RYK: variants seen among roughly 807,000 people sequenced by gnomAD.
RYK encodes the protein inactive tyrosine-protein kinase RYK.
A neutral mutation model predicts 70.2 loss-of-function variants in RYK; 21 were observed. That is an observed-to-expected ratio of 0.30 (90% confidence interval 0.21 to 0.43). The LOEUF (loss-of-function observed/expected upper bound fraction) is 0.43, where lower values mean the gene tolerates loss of function less well. Ranked by LOEUF, RYK falls within the 20% of genes least tolerant of loss-of-function variation. RYK has a pLI of 1.00. For synonymous variants in RYK, 267 were observed against 278.0 expected, an observed-to-expected ratio of 0.96 and a Z score of 0.39; for missense variants, 604 against 753.3, an observed-to-expected ratio of 0.80 and a Z score of 2.32.
chr3:134,241,732 A>G (rs1056678480), intron 1 of RYK, among the ~76,000 whole-genome samples: 1 of 152,232 alleles, frequency 6.6e-6, no homozygotes, highest in Admixed American at 6.5e-5. Context: ...CACAGTAGAG[A>G]AAGCACGCAC....
chr3:134,168,654 A>G (rs1158507676), intron 13 of RYK, among the ~76,000 whole-genome samples: 2 of 151,726 alleles, frequency 1.3e-5, no homozygotes, highest in African/African-American at 4.8e-5. Context: ...TAGCATTAGG[A>G]GATATACCTA....
chr3:134,236,465 C>G (rs1239391830), intron 1 of RYK, among the ~76,000 whole-genome samples: 4 of 152,132 alleles, frequency 2.6e-5, no homozygotes, highest in Non-Finnish European at 5.9e-5. Flanking sequence ...TGTTCATGGA[C>G]TGGAAGACTT....
In RYK at chr3:134,172,884, C is replaced by T. The variant is rs371283795; in HGVS notation, c.1575+2725G>A. On this transcript the variant is annotated intron_variant, in intron 13 of 14. Coordinates refer to ENST00000623711, the MANE Select transcript of RYK (RefSeq NM_002958.4). ...GCTTTATTTCCCTCATCCTGCCACC[C>T]ATCACCCACCATGCCCGATGCCTCT... 9.3e-4 allele frequency among the ~76,000 whole-genome samples: 142 copies of T among 152,280 alleles called. 1 individual carries two copies. Among genetic ancestry groups the T allele is most frequent in the African/African-American group, 3.3e-3 (138 of 41,550 alleles).
At chr3:134,249,833 G>A (rs1423482446) in intron 1 of RYK, among the ~76,000 whole-genome samples, 2 of 150,130 alleles carry the variant, frequency 1.3e-5, no homozygotes, top group African/African-American at 4.9e-5. Context: ...TAGAATCTAA[G>A]CATATGCTCC....
At chr3:134,230,247 C>T (rs934287530) in intron 1 of RYK, among the ~76,000 whole-genome samples, 14 of 152,130 alleles carry the variant, frequency 9.2e-5, no homozygotes, top group South Asian at 2.1e-4. Flanking sequence ...CCACCACGCC[C>T]GGCTAATTTT....
At chr3:134,248,855 T>G (rs2015537283) in intron 1 of RYK, among the ~76,000 whole-genome samples, 1 of 151,992 alleles carries the variant, frequency 6.6e-6, no homozygotes, top group Admixed American at 6.6e-5. Context: ...ACTTTCCTCA[T>G]CTCTACAATA....
intron 1 of RYK, among the ~76,000 whole-genome samples, chr3:134,242,037 C>T (rs1223778243): frequency 6.6e-6 from 1 of 152,162 alleles, no homozygotes; most frequent in African/African-American, 2.4e-5. Context: ...CAAGGTGGCT[C>T]ACGCCTGTAA....
chr3:134,250,112 G>C (rs1257804944), intron 1 of RYK, among the ~76,000 whole-genome samples: 1 of 152,018 alleles, frequency 6.6e-6, no homozygotes, highest in African/African-American at 2.4e-5. Flanking sequence ...AAAAAAAGTT[G>C]TAAGGGTGAC....
In RYK at chr3:134,159,319, C is replaced by T. The variant is rs368912529; in HGVS notation, c.1630G>A (p.Val544Met). 2.0e-5 allele frequency: 32 copies of T among 1,613,814 alleles called. No individual in the cohort carries two copies. In the African/African-American group the frequency reaches 2.4e-4, roughly 12 times the overall value. Residue 544 changes from valine to methionine, a missense_variant, in exon 14 of 15, where the codon GTG becomes ATG. Coordinates refer to ENST00000623711, the MANE Select transcript of RYK (RefSeq NM_002958.4). ...GCCATCTCGAAGGGGTCAATGTCCA[C>T]GTAGGGAGTCTGGCCCAGAGTCATG... Reference protein sequence around the residue: ...ELMTLGQTPYVDIDPFEMAAY... With the variant: ...ELMTLGQTPYMDIDPFEMAAY...
At position 134,225,682 on chromosome 3, in the gene RYK, C is replaced by G. The variant is rs1236039002; in HGVS notation, c.233-3143G>C. Among the ~76,000 whole-genome samples, 4 of 152,132 alleles carry G rather than the reference C, an allele frequency of 2.6e-5. No individual in the cohort carries two copies. The East Asian group carries it at 7.7e-4, about 29-fold the overall frequency. ...CAGCCTGGGCAACACAGCAACAACC[C>G]ATCTCTATAAAAAACTTTTTTTAAA... is the stretch of plus-strand genomic sequence containing the variant. On this transcript the variant is annotated intron_variant, in intron 1 of 14. Transcript: ENST00000623711.
chr3:134,238,509 A>G (rs2015244713), intron 1 of RYK, among the ~76,000 whole-genome samples: 1 of 152,194 alleles, frequency 6.6e-6, no homozygotes, highest in African/African-American at 2.4e-5. Flanking sequence ...AAAAGCAGGT[A>G]AGCCTACCCT....
chr3:134,193,415 C>T (rs1396412246), intron 7 of RYK, among the ~76,000 whole-genome samples: 1 of 152,180 alleles, frequency 6.6e-6, no homozygotes, highest in Non-Finnish European at 1.5e-5. Context: ...GATCTCCTGA[C>T]CTCATGATCC....
chr3:134,248,117 G>C (rs2107700647), intron 1 of RYK, among the ~76,000 whole-genome samples: 1 of 152,328 alleles, frequency 6.6e-6, no homozygotes, highest in African/African-American at 2.4e-5. Context: ...GTATGAGGGA[G>C]ATGGGAAGGG....
chr3:134,169,797 T>C (rs2012829386), intron 13 of RYK, among the ~76,000 whole-genome samples: 1 of 152,190 alleles, frequency 6.6e-6, no homozygotes, highest in African/African-American at 2.4e-5. Context: ...GTATCATTTG[T>C]TGGGTGCTAC....
intron 1 of RYK, among the ~76,000 whole-genome samples, chr3:134,235,898 T>G (rs953080084): frequency 6.6e-6 from 1 of 152,074 alleles, no homozygotes; most frequent in Non-Finnish European, 1.5e-5. Flanking sequence ...AGAGCCTGGT[T>G]CCAATAGAAG....
At chr3:134,231,163 A>T (rs1169671697) in intron 1 of RYK, among the ~76,000 whole-genome samples, 1 of 151,752 alleles carries the variant, frequency 6.6e-6, no homozygotes, top group Non-Finnish European at 1.5e-5. Flanking sequence ...TAAGCTAGAT[A>T]AAAAGTACCT....
chr3:134,226,608 A>T (rs144310341), intron 1 of RYK, among the ~76,000 whole-genome samples: 177 of 152,274 alleles, frequency 1.2e-3, no homozygotes, highest in African/African-American at 3.9e-3. Context: ...AATATTAGCA[A>T]ATTCAATACA....
chr3:134,226,983 G>A (rs1039738378), intron 1 of RYK, among the ~76,000 whole-genome samples: 18 of 152,042 alleles, frequency 1.2e-4, no homozygotes, highest in Admixed American at 6.6e-5. Context: ...AAAAGCACAA[G>A]GATGAAGTAA....
intron 1 of RYK, among the ~76,000 whole-genome samples, chr3:134,225,330 A>G (rs1300748165): frequency 6.6e-6 from 1 of 152,220 alleles, no homozygotes; most frequent in Non-Finnish European, 1.5e-5. Context: ...TACATGAGGC[A>G]GTACTGACAT....
Sources: allele counts gnomAD v4.1 joint callset (sites outside exome capture counted in the v4.1 genomes callset), GRCh38; gene constraint gnomAD v4.1.1; transcripts MANE v1.5; gene names NCBI Gene and HGNC (gene_info 2026-07-23, HGNC 2026-07-21).